The following ABCA9 variants were observed in gnomAD, a reference collection of about 807,000 sequenced individuals.
ABCA9 encodes ATP-binding cassette sub-family A member 9.
A neutral mutation model predicts 205.3 loss-of-function variants in ABCA9; 183 were observed. That is an observed-to-expected ratio of 0.89 (90% confidence interval 0.79 to 1.01). The LOEUF (loss-of-function observed/expected upper bound fraction) is 1.01. ABCA9 is among the 50% of genes least tolerant of loss of function. The pLI is 0.00. For synonymous variants in ABCA9, 651 were observed against 683.3 expected (o/e 0.95, Z 0.74); for missense variants, 1,805 against 1,912.4 (o/e 0.94, Z 1.05).
chr17:68,982,638 G>C lies in ABCA9; in HGVS notation c.4644C>G (p.Phe1548Leu), dbSNP rs763333258. ...GCAACTTATAGACCATCAGGGAGGAGAACCTGCGAAGAGAAGACAGTGAGG... is the reference window on the plus strand; with the variant it reads ...GCAACTTATAGACCATCAGGGAGGACAACCTGCGAAGAGAAGACAGTGAGG... ...LFPQAAQQERFSSLMVYKLPV... is the reference protein window; with the variant it reads ...LFPQAAQQERLSSLMVYKLPV... Residue 1548 changes from phenylalanine (F) to leucine (L), a missense_variant, in exon 37 of 39, where the codon TTC becomes TTG. Physicochemically the swap from Phe to Leu is conservative, Grantham distance 22 (BLOSUM62 0). Coordinates refer to ENST00000340001, the MANE Select transcript of ABCA9 (RefSeq NM_080283.4). 5 of 1,613,610 alleles carry C rather than the reference G, an allele frequency of 3.1e-6. No homozygotes were observed. The highest frequency in any genetic ancestry group is 1.7e-5 in the Admixed American group (1 of 60,010).
chr17:69,018,698 G>T, intron 19 of ABCA9, 119 bp from the exon 20 acceptor site: 1 of 763,692 alleles, frequency 1.3e-6, no homozygotes, highest in Non-Finnish European at 2.0e-6. Context: ...CCAAACATTT[G>T]AATCATACTT....
chr17:69,004,207 T>C lies in ABCA9; in HGVS notation c.3435+3552A>G, dbSNP rs954251613. Among the ~76,000 whole-genome samples, 11 of 152,334 alleles carry C rather than the reference T, an allele frequency of 7.2e-5. No individual in the cohort carries two copies. In the East Asian group the frequency reaches 1.7e-3, roughly 24 times the overall value. On this transcript the variant is annotated intron_variant, in intron 25 of 38. Coordinates refer to ENST00000340001, the MANE Select transcript of ABCA9 (RefSeq NM_080283.4). ...AGGAGAGGCGCTCTGATTTTTAGAG[T>C]TTCCAGTTTTTCTGTTCTGTTTTTT...
chr17:69,076,118 C>T, the ABCA9 span, among the ~76,000 whole-genome samples: 3 of 152,170 alleles, frequency 2.0e-5, no homozygotes, highest in Non-Finnish European at 2.9e-5. Context: ...GGAATGGTTC[C>T]ATCTTTTGCC....
At chr17:68,987,811 A>T (rs1214525959) in intron 31 of ABCA9, among the ~76,000 whole-genome samples, 1 of 145,018 alleles carries the variant, frequency 6.9e-6, no homozygotes, top group Non-Finnish European at 1.5e-5. Context: ...CCCAGGCTGG[A>T]GTGCAATAGC....
At chr17:69,074,869 A>G in the ABCA9 span, among the ~76,000 whole-genome samples, 1 of 152,064 alleles carries the variant, frequency 6.6e-6, no homozygotes. Context: ...TGCTTTCCAC[A>G]GTGGCAGTGT....
At chr17:69,026,907 G>A (rs1158865080) in intron 15 of ABCA9, 69 bp downstream of exon 15, 1 of 1,548,682 alleles carries the variant, frequency 6.5e-7, no homozygotes, top group South Asian at 1.2e-5. Context: ...CAGCTGTGGA[G>A]CATACCTGTT....
chr17:68,991,984 A>G (rs2069467498), intron 28 of ABCA9, among the ~76,000 whole-genome samples, 191 bp downstream of exon 28: 1 of 152,186 alleles, frequency 6.6e-6, no homozygotes, highest in South Asian at 2.1e-4. Flanking sequence ...CGTGTGTGCT[A>G]ATATGGTTTC....
At chr17:68,998,094 A>G (rs920540196) in intron 25 of ABCA9, among the ~76,000 whole-genome samples, 3 of 152,132 alleles carry the variant, frequency 2.0e-5, no homozygotes, top group Non-Finnish European at 2.9e-5. Flanking sequence ...AGTTTCCTCC[A>G]TGTCTTTTCG....
At position 68,983,915 on chromosome 17, in the gene ABCA9, C is replaced by T. The variant is rs967509162; in HGVS notation, c.4500-66G>A. 9 of 1,607,878 alleles carry T rather than the reference C, an allele frequency of 5.6e-6. No individual in the cohort carries two copies. The African/African-American group carries it at 9.4e-5, about 17-fold the overall frequency. On this transcript the variant is annotated intron_variant, in intron 35 of 38. Coordinates refer to ENST00000340001, the MANE Select transcript of ABCA9 (RefSeq NM_080283.4). ...AAAATGTATGGCTTGTGATGTTCAGCCTCTGGAGGCCAGAGTAAGGCCACA... is the reference window on the plus strand; with the variant it reads ...AAAATGTATGGCTTGTGATGTTCAGTCTCTGGAGGCCAGAGTAAGGCCACA...
Position 69,045,341 on chromosome 17 carries a change from C to T in ABCA9, c.305-5G>A, listed in dbSNP as rs1443241879. 1.2e-6 allele frequency: 2 copies of T among 1,601,446 alleles called. No individual in the cohort carries two copies. The highest frequency in any genetic ancestry group is 2.7e-5 in the African/African-American group (2 of 74,030). On this transcript the variant is annotated splice_polypyrimidine_tract_variant and splice_region_variant and intron_variant, in intron 3 of 38. Transcript: ENST00000340001. ...GCCACCCCATGATTGTTCTTCCTGC[C>T]ATGTGAAGAAAACAAAAGAAATAGT...
chr17:69,050,343 A>AACAC (rs58213498), intron 2 of ABCA9, among the ~76,000 whole-genome samples: 34 of 147,900 alleles, frequency 2.3e-4, no homozygotes, highest in African/African-American at 5.7e-4. Context: ...CACACACACG[A>AACAC]ACACACACAC....
chr17:69,018,321 G>C (rs2070700684), intron 20 of ABCA9, 92 bp downstream of exon 20: 1 of 1,162,658 alleles, frequency 8.6e-7, no homozygotes, highest in Non-Finnish European at 1.2e-6. Flanking sequence ...AAAACATACA[G>C]AGTTTATTTT....
intron 4 of ABCA9, 76 bp downstream of exon 4, chr17:69,045,096 C>A: frequency 8.1e-7 from 1 of 1,242,230 alleles, no homozygotes; most frequent in Non-Finnish European, 1.1e-6. Context: ...GTAGTTTCAC[C>A]TCTGCTATCA....
At chr17:68,994,294 T>C (rs2069548221) in intron 26 of ABCA9, among the ~76,000 whole-genome samples, 1 of 152,154 alleles carries the variant, frequency 6.6e-6, no homozygotes, top group Non-Finnish European at 1.5e-5. Flanking sequence ...CACCCTCATG[T>C]CCTTAACTTC....
Position 68,984,051 on chromosome 17 carries a change from C to T in ABCA9, c.4499+5G>A, listed in dbSNP as rs2069149968. On this transcript the variant is annotated splice_donor_5th_base_variant and intron_variant, in intron 35 of 38. Transcript: ENST00000340001. Reference sequence around the variant, plus strand: ...GGCTGAGCGCCGGCTTGGACAGGCACTCACCTCAGCCTTCCTGACACCATG... The same window carrying T: ...GGCTGAGCGCCGGCTTGGACAGGCATTCACCTCAGCCTTCCTGACACCATG... The T allele has an allele frequency of 6.2e-6, 10 of 1,614,106 alleles. No homozygotes were observed. The highest frequency in any genetic ancestry group is 8.5e-6 in the Non-Finnish European group (10 of 1,179,994).
chr17:69,020,438 T>G lies in ABCA9; in HGVS notation c.2550A>C (p.Ala850=), dbSNP rs2070772709. Residue 850 remains alanine (A), a synonymous_variant, in exon 19 of 39, where the codon GCA becomes GCC. Transcript: ENST00000340001. ...ALWRQQVCAI[A]KVRFLKLKKE... ...TCTTTAACTTTAGGAAGCGAACTTT[T>G]GCTATTGCACAGACCTGCTGCCTCC... 6.2e-7 allele frequency: 1 copy of G among 1,613,902 alleles called. No individual in the cohort carries two copies. The highest frequency in any genetic ancestry group is 8.5e-7 in the Non-Finnish European group (1 of 1,179,940).
intron 37 of ABCA9, among the ~76,000 whole-genome samples, chr17:68,977,994 T>TGCAGA (rs1472614477): frequency 6.6e-6 from 1 of 152,234 alleles, no homozygotes; most frequent in African/African-American, 2.4e-5. Context: ...GTCTGCTTGG[T>TGCAGA]GCAGAGCTGA....
chr17:69,066,580 G>GTA, the ABCA9 span, among the ~76,000 whole-genome samples: 1 of 151,628 alleles, frequency 6.6e-6, no homozygotes. Flanking sequence ...GAGGGGCTGC[G>GTA]TAAGACGGTA....
Position 69,035,435 on chromosome 17 carries a change from A to T in ABCA9, c.943-4T>A. The T allele has an allele frequency of 6.4e-7, 1 of 1,562,606 alleles. No homozygotes were observed. The highest frequency in any genetic ancestry group is 8.6e-7 in the Non-Finnish European group (1 of 1,160,414). On this transcript the variant is annotated splice_polypyrimidine_tract_variant and splice_region_variant and intron_variant, in intron 7 of 38. Transcript: ENST00000340001. ...TCATCAGGAAAGCTAAAGTTATCTG[A>T]GAAAAGAGAAAGACTTCAGCTGGTA...
Sources: allele counts gnomAD v4.1 joint callset (sites outside exome capture counted in the v4.1 genomes callset), GRCh38; gene constraint gnomAD v4.1.1; transcripts MANE v1.5; gene names NCBI Gene and HGNC (gene_info 2026-07-23, HGNC 2026-07-21).